OPCML: variants seen among roughly 807,000 people sequenced by gnomAD.
OPCML encodes opioid binding protein/cell adhesion molecule like, also known as opioid-binding protein/cell adhesion molecule.
Under a neutral mutation model 37.8 loss-of-function variants are expected in OPCML, and 13 were observed. That is an observed-to-expected ratio of 0.34 (90% CI 0.22 to 0.55). The LOEUF (loss-of-function observed/expected upper bound fraction) is 0.55. Ranked by LOEUF, OPCML falls within the 20% of genes least tolerant of loss-of-function variation. The pLI, the probability that OPCML is intolerant of heterozygous loss-of-function variation, is 0.91. For synonymous variants in OPCML, 176 were observed against 168.8 expected, an observed-to-expected ratio of 1.04 and a Z score of -0.33; for missense variants, 341 against 435.6, an observed-to-expected ratio of 0.78 and a Z score of 1.93.
intron 1 of OPCML, among the ~76,000 whole-genome samples, chr11:132,960,878 G>A (rs1946078521): frequency 6.6e-6 from 1 of 152,200 alleles, no homozygotes; most frequent in African/African-American, 2.4e-5. Context: ...TGGAGACTGG[G>A]TCTGCAGCTG....
chr11:132,432,332 C>T (rs1329204420), intron 7 of OPCML, among the ~76,000 whole-genome samples: 1 of 152,162 alleles, frequency 6.6e-6, no homozygotes, highest in Non-Finnish European at 1.5e-5. Context: ...GGAAGAGCAT[C>T]CCTGGCCAGG....
At chr11:133,314,432 C>T (rs1054625467) in intron 1 of OPCML, among the ~76,000 whole-genome samples, 7 of 151,678 alleles carry the variant, frequency 4.6e-5, no homozygotes, top group African/African-American at 7.3e-5. Flanking sequence ...TGTGCTTATA[C>T]GAAAATCTTG....
At chr11:132,435,425 CACA>C (rs1345173853) in intron 7 of OPCML, among the ~76,000 whole-genome samples, 1 of 152,242 alleles carries the variant, frequency 6.6e-6, no homozygotes, top group East Asian at 1.9e-4. Flanking sequence ...CATACAGTAT[CACA>C]ACAAGCTGGC....
rs879497256 is a variant in OPCML at position 133,219,809 on chromosome 11, G to T, written c.62-276799C>A. 1.9e-3 allele frequency among the ~76,000 whole-genome samples: 278 copies of T among 150,184 alleles called. 2 individuals are homozygous for T. Among genetic ancestry groups the T allele is most frequent in the Non-Finnish European group, 3.5e-3 (233 of 67,346 alleles). On this transcript the variant is annotated intron_variant, in intron 1 of 7. Coordinates refer to ENST00000524381, the MANE Select transcript of OPCML (RefSeq NM_001012393.5). Reference sequence around the variant, plus strand: ...TTATGATCACAGTTTGGGGAGGGGGGTGCTACAGACATCTATTTGGTAGGT... The same window carrying T: ...TTATGATCACAGTTTGGGGAGGGGGTTGCTACAGACATCTATTTGGTAGGT...
intron 1 of OPCML, among the ~76,000 whole-genome samples, chr11:133,358,853 C>CG (rs1239514365): frequency 6.6e-6 from 1 of 152,138 alleles, no homozygotes; most frequent in Non-Finnish European, 1.5e-5. Context: ...CCCCCACCCC[C>CG]GACCAGTGGA....
chr11:133,256,084 T>C (rs970430210), intron 1 of OPCML, among the ~76,000 whole-genome samples: 2 of 152,236 alleles, frequency 1.3e-5, no homozygotes, highest in Non-Finnish European at 2.9e-5. Flanking sequence ...CTCTTATTTA[T>C]ATGGATTTTG....
chr11:133,063,364 G>A (rs1036354372), intron 1 of OPCML, among the ~76,000 whole-genome samples: 2 of 152,138 alleles, frequency 1.3e-5, no homozygotes, highest in Admixed American at 6.5e-5. Flanking sequence ...TCAGAAAGGA[G>A]GAAAGCCACG....
chr11:133,366,664 T>C (rs2136737591), intron 1 of OPCML, among the ~76,000 whole-genome samples: 2 of 152,304 alleles, frequency 1.3e-5, no homozygotes, highest in Middle Eastern at 6.8e-3. Flanking sequence ...AAAAAAAGAA[T>C]ACCCAGGTCT....
At chr11:132,655,874 T>G (rs1233884745) in intron 3 of OPCML, among the ~76,000 whole-genome samples, 1 of 151,578 alleles carries the variant, frequency 6.6e-6, no homozygotes, top group Non-Finnish European at 1.5e-5. Context: ...TTTTTTTTTT[T>G]TTTTTAAATC....
intron 1 of OPCML, among the ~76,000 whole-genome samples, chr11:133,452,068 T>C (rs1387391932): frequency 6.6e-6 from 1 of 151,480 alleles, no homozygotes; most frequent in African/African-American, 2.4e-5. Context: ...ATCCAAAGTT[T>C]TGTACCAATG....
At chr11:133,307,416 A>G (rs926849435) in intron 1 of OPCML, among the ~76,000 whole-genome samples, 1 of 152,206 alleles carries the variant, frequency 6.6e-6, no homozygotes, top group African/African-American at 2.4e-5. Flanking sequence ...TTATGTTACA[A>G]AATATGTTTA....
chr11:132,435,300 G>A, intron 7 of OPCML: 2 of 1,249,540 alleles, frequency 1.6e-6, no homozygotes, highest in Non-Finnish European at 2.1e-6. Flanking sequence ...CTGAAAGCTT[G>A]TGTCTGAGGT....
At chr11:132,539,038 C>T (rs775289627) in intron 3 of OPCML, among the ~76,000 whole-genome samples, 1 of 152,172 alleles carries the variant, frequency 6.6e-6, no homozygotes, top group Admixed American at 6.5e-5. Context: ...GTAATATATT[C>T]ATTGAAAACA....
At chr11:132,617,484 G>C (rs1939111828) in intron 3 of OPCML, among the ~76,000 whole-genome samples, 1 of 152,164 alleles carries the variant, frequency 6.6e-6, no homozygotes, top group South Asian at 2.1e-4. Flanking sequence ...CCCTCTCCCA[G>C]TGATTGGCCC....
At chr11:132,974,847 A>T (rs890093384) in intron 1 of OPCML, among the ~76,000 whole-genome samples, 2 of 151,196 alleles carry the variant, frequency 1.3e-5, no homozygotes, top group African/African-American at 2.4e-5. Flanking sequence ...CTTTGTTTTC[A>T]TTGCAAGATT....
At chr11:132,734,496 T>C (rs1939517) in intron 2 of OPCML, among the ~76,000 whole-genome samples, 94,499 of 152,050 alleles carry the variant, frequency 0.62, 29,758 homozygotes, top group Admixed American at 0.66. Flanking sequence ...CAGCCAGTTG[T>C]TAGCCATATG....
intron 3 of OPCML, among the ~76,000 whole-genome samples, chr11:132,597,072 A>G (rs139889114): frequency 2.2e-3 from 335 of 152,360 alleles, no homozygotes; most frequent in African/African-American, 7.6e-3. Flanking sequence ...TTGGCTAAAT[A>G]TAGAACACAA....
intron 4 of OPCML, among the ~76,000 whole-genome samples, chr11:132,450,801 C>T (rs898194485): frequency 4.6e-5 from 7 of 152,142 alleles, no homozygotes; most frequent in Admixed American, 6.5e-5. Context: ...GTGATTATGA[C>T]TTTCTGTGTC....
chr11:132,658,837 T>A (rs1591686025), intron 2 of OPCML, among the ~76,000 whole-genome samples: 1 of 152,248 alleles, frequency 6.6e-6, no homozygotes, highest in African/African-American at 2.4e-5. Flanking sequence ...ACTTGTTATA[T>A]CTCAGTCTAC....
Sources: allele counts gnomAD v4.1 joint callset (sites outside exome capture counted in the v4.1 genomes callset), GRCh38; gene constraint gnomAD v4.1.1; transcripts MANE v1.5; gene names NCBI Gene and HGNC (gene_info 2026-07-23, HGNC 2026-07-21).